CCDC175: variants seen among roughly 807,000 people sequenced by gnomAD.
CCDC175 encodes the protein coiled-coil domain-containing protein 175.
A neutral mutation model predicts 114.6 loss-of-function variants in CCDC175; 100 were observed. That is an observed-to-expected ratio of 0.87 (90% confidence interval 0.74 to 1.03). The LOEUF (loss-of-function observed/expected upper bound fraction) is 1.03. Ranked by LOEUF, CCDC175 falls within the 50% of genes least tolerant of loss-of-function variation. The pLI is 0.00. For missense variants in CCDC175, 880 were observed against 917.8 expected (o/e 0.96, Z 0.53); for synonymous variants, 306 against 308.7 (o/e 0.99, Z 0.09).
intron 13 of CCDC175, among the ~76,000 whole-genome samples, chr14:59,535,806 AG>A (rs1254335249): frequency 7.2e-5 from 11 of 152,250 alleles, no homozygotes; most frequent in Non-Finnish European, 1.3e-4. Context: ...CTCCCCTTGA[AG>A]GCGGACTCGC....
intron 5 of CCDC175, 22 bp downstream of exon 5, chr14:59,565,025 A>C: frequency 7.0e-7 from 1 of 1,424,604 alleles, no homozygotes; most frequent in Non-Finnish European, 9.5e-7. Flanking sequence ...TTGTATTTTA[A>C]AGAATAAATC....
In CCDC175 at chr14:59,545,145, G is replaced by T; in HGVS notation, c.1172+18C>A. On this transcript the variant is annotated intron_variant, in intron 9 of 19. Coordinates refer to ENST00000537690, the MANE Select transcript of CCDC175 (RefSeq NM_001164399.2). ...ATAATGATGGCATGTTGAATCACAC[G>T]TGTGGGTAAAGACATACTCATCATG... 1 of 1,532,146 alleles carries T rather than the reference G, an allele frequency of 6.5e-7. No homozygotes were observed. Among genetic ancestry groups the T allele is most frequent in the South Asian group, 1.2e-5 (1 of 83,258 alleles). 94.9% of individuals were successfully genotyped at this position (1,532,146 alleles called of 1,614,324 possible).
chr14:59,528,537 C>G (rs1893878631), intron 14 of CCDC175, among the ~76,000 whole-genome samples: 2 of 152,140 alleles, frequency 1.3e-5, no homozygotes, highest in African/African-American at 4.8e-5. Flanking sequence ...AGCATGCTTA[C>G]TCCCATTCCC....
At chr14:59,510,921 C>G (rs969838458) in intron 18 of CCDC175, 113 bp from the exon 19 acceptor site, 1 of 932,382 alleles carries the variant, frequency 1.1e-6, no homozygotes, top group African/African-American at 1.7e-5. Context: ...TAATTGGTAT[C>G]AGTCATAAAA....
chr14:59,505,452 G>T, intron 19 of CCDC175, 137 bp from the exon 20 acceptor site: 1 of 269,288 alleles, frequency 3.7e-6, no homozygotes, highest in East Asian at 4.1e-5. Context: ...GAGTAGGGAG[G>T]GGTGTCATGT....
At chr14:59,550,245 G>A (rs891821150) in intron 8 of CCDC175, among the ~76,000 whole-genome samples, 6 of 152,042 alleles carry the variant, frequency 3.9e-5, no homozygotes, top group Non-Finnish European at 5.9e-5. Context: ...ACTCAATAAC[G>A]TATTATGAGC....
intron 1 of CCDC175, 131 bp downstream of exon 1, chr14:59,576,488 G>A (rs1296487486): frequency 4.7e-6 from 4 of 842,452 alleles, no homozygotes; most frequent in Non-Finnish European, 4.9e-6. Flanking sequence ...CAAGGAGCGG[G>A]GAGAAGGCTC....
At chr14:59,530,106 C>T (rs1006145697) in intron 14 of CCDC175, among the ~76,000 whole-genome samples, 5 of 152,088 alleles carry the variant, frequency 3.3e-5, no homozygotes, top group African/African-American at 9.7e-5. Context: ...TGTGGTGGCT[C>T]ATGCCTATAA....
chr14:59,558,133 C>T lies in CCDC175; in HGVS notation c.953+2986G>A, dbSNP rs542783837. ...GGAAGAGCTTTTCAGGTGGAAGAAACGTCAGGCGTCAAGACAGAGGCAGGA... is the reference window on the plus strand; with the variant it reads ...GGAAGAGCTTTTCAGGTGGAAGAAATGTCAGGCGTCAAGACAGAGGCAGGA... On this transcript the variant is annotated intron_variant, in intron 7 of 19. Coordinates refer to ENST00000537690, the MANE Select transcript of CCDC175 (RefSeq NM_001164399.2). Among the ~76,000 whole-genome samples the T allele has an allele frequency of 9.9e-4, 150 of 152,190 alleles. 3 individuals are homozygous for T. The highest frequency in any genetic ancestry group is 4.9e-4 in the Non-Finnish European group (33 of 68,000).
intron 7 of CCDC175, among the ~76,000 whole-genome samples, 186 bp downstream of exon 7, chr14:59,560,933 A>G (rs1346636099): frequency 1.3e-5 from 2 of 152,164 alleles, no homozygotes; most frequent in African/African-American, 4.8e-5. Context: ...CTTGATCATC[A>G]GCTAATTTCA....
rs1471263249 is a variant in CCDC175, at chr14:59,565,156, A to G, written c.611T>C (p.Leu204Ser). The stretch of plus-strand genomic sequence containing the variant: ...TTGCAATGCTATGTCTTCTCTCTTC[A>G]AGTTTATTTTGGTATAAGTCTCATT... ...YINETYTKIN[L>S]KREDIALQKK... The change falls in exon 5 of 20, where the codon TTG becomes TCG. Residue 204 changes from leucine to serine, a missense_variant. By Grantham distance (145) the Leu-to-Ser change is moderately radical (BLOSUM62 -2). Coordinates refer to ENST00000537690, the MANE Select transcript of CCDC175 (RefSeq NM_001164399.2). 3 of 1,537,580 alleles carry G rather than the reference A, an allele frequency of 2.0e-6. No homozygotes were observed. The highest frequency in any genetic ancestry group is 4.9e-5 in the East Asian group (2 of 40,926).
At chr14:59,536,812 C>T (rs1177325820) in intron 13 of CCDC175, among the ~76,000 whole-genome samples, 2 of 152,154 alleles carry the variant, frequency 1.3e-5, no homozygotes, top group Non-Finnish European at 2.9e-5. Context: ...GATGGAGTCT[C>T]GCTCTGTCGC....
At chr14:59,568,181 G>A (rs919242518) in intron 4 of CCDC175, 64 bp downstream of exon 4, 34 of 1,444,100 alleles carry the variant, frequency 2.4e-5, no homozygotes, top group African/African-American at 7.3e-5. Context: ...AACCCCTCCC[G>A]ACAATTTTCC....
In CCDC175 at chr14:59,538,795, T is replaced by C. The variant is rs1175744713; in HGVS notation, c.1401A>G (p.Ala467=). Residue 467 remains alanine, a synonymous_variant, in exon 12 of 20, where the codon GCA becomes GCG. Coordinates refer to ENST00000537690, the MANE Select transcript of CCDC175 (RefSeq NM_001164399.2). Reference sequence around the variant, plus strand: ...CAGCTTTTATCTTGGCTGTCCAACGTGCATGCTTTTTTCTCAAGCAAGCCA... The same window carrying C: ...CAGCTTTTATCTTGGCTGTCCAACGCGCATGCTTTTTTCTCAAGCAAGCCA... ...WKMACLRKKH[A]RWTAKIKAEI... is the part of the protein sequence containing the mutation. 1 of 1,536,952 alleles carries C rather than the reference T, an allele frequency of 6.5e-7. No homozygotes were observed. The highest frequency in any genetic ancestry group is 2.0e-5 in the Admixed American group (1 of 50,954).
chr14:59,507,106 T>A lies in CCDC175; in HGVS notation c.2306-1791A>T, dbSNP rs149830836. Among the ~76,000 whole-genome samples, 416 of 152,326 alleles carry A rather than the reference T, an allele frequency of 2.7e-3. 1 individual carries two copies. The highest frequency in any genetic ancestry group is 9.2e-3 in the African/African-American group (381 of 41,572). On this transcript the variant is annotated intron_variant, in intron 19 of 19. Transcript: ENST00000537690. ...TAAAATTAAGGCAAAAAGTAAGTTT[T>A]TAGTAATTAGTTTTCAGGAAGAAGT...
intron 7 of CCDC175, among the ~76,000 whole-genome samples, chr14:59,559,499 A>G (rs1212237040): frequency 1.3e-5 from 2 of 152,180 alleles, no homozygotes; most frequent in Non-Finnish European, 1.5e-5. Context: ...TTGCAATTTA[A>G]AGATTTAATG....
At position 59,576,745 on chromosome 14, in the gene CCDC175, C is replaced by G; in HGVS notation, c.31G>C (p.Gly11Arg). The G allele has an allele frequency of 6.8e-7, 1 of 1,475,974 alleles. No homozygotes were observed. The highest frequency in any genetic ancestry group is 8.9e-7 in the Non-Finnish European group (1 of 1,122,484). The allele number at this position is 1,475,974 out of a possible 1,614,324, so 91.4% of individuals were successfully genotyped here. ...GCCTGCACCAGCTTCTCGCCAGCGC[C>G]CAGCCCTGGGGTCCAGGGGCTCAGG... MALSPWTPGL[G>R]AGEKLVQAAA... is the part of the protein sequence containing the mutation. The change falls in exon 1 of 20, where the codon GGC (glycine) becomes CGC (arginine). Residue 11 changes from glycine (G) to arginine (R), a missense_variant. Transcript: ENST00000537690.
At chr14:59,560,644 G>A (rs960209733) in intron 7 of CCDC175, among the ~76,000 whole-genome samples, 1 of 152,136 alleles carries the variant, frequency 6.6e-6, no homozygotes, top group Non-Finnish European at 1.5e-5. Flanking sequence ...GCTTTGGATG[G>A]ATGGAAGACC....
Position 59,576,790 on chromosome 14 carries a change from T to A in CCDC175, c.-15A>T. ...CTCAGGGCCATTTTGCCGCTCTACT[T>A]GAGCGCCTCCTAAGCCAGAGCCAAG... On this transcript the variant is annotated 5_prime_UTR_variant, in exon 1 of 20. Transcript: ENST00000537690. 7.0e-7 allele frequency: 1 copy of A among 1,429,548 alleles called. No homozygotes were observed. Among genetic ancestry groups the A allele is most frequent in the Non-Finnish European group, 9.1e-7 (1 of 1,102,552 alleles). The allele number at this position is 1,429,548 out of a possible 1,614,324, so 88.6% of individuals were successfully genotyped here.
Sources: allele counts gnomAD v4.1 joint callset (sites outside exome capture counted in the v4.1 genomes callset), GRCh38; gene constraint gnomAD v4.1.1; transcripts MANE v1.5; gene names NCBI Gene and HGNC (gene_info 2026-07-23, HGNC 2026-07-21).